PLD1: variants seen among roughly 807,000 people sequenced by gnomAD.
The protein encoded by PLD1 is phospholipase D1, also known as choline phosphatase 1.
A neutral mutation model predicts 137.1 loss-of-function variants in PLD1; 112 were observed. The observed-to-expected ratio is 0.82, with a 90% CI of 0.70 to 0.96. The LOEUF is 0.96. PLD1 is among the 40% of genes least tolerant of loss of function. The pLI is 0.00. For synonymous variants in PLD1, 431 were observed against 454.7 expected (o/e 0.95, Z 0.66); for missense variants, 1,321 against 1,342.0 (o/e 0.98, Z 0.24).
intron 1 of PLD1, among the ~76,000 whole-genome samples, chr3:171,776,378 T>C (rs1722592122): frequency 6.6e-6 from 1 of 152,242 alleles, no homozygotes; most frequent in South Asian, 2.1e-4. Context: ...CAGGCTTCTA[T>C]TTACAGGTAA....
intron 26 of PLD1, among the ~76,000 whole-genome samples, chr3:171,604,600 T>G (rs1013541557): frequency 2.0e-5 from 3 of 152,162 alleles, no homozygotes; most frequent in African/African-American, 7.2e-5. Context: ...AAGTAAGCTG[T>G]TCTACTGTTA....
chr3:171,678,518 G>C (rs1324160336), intron 16 of PLD1, among the ~76,000 whole-genome samples: 1 of 152,166 alleles, frequency 6.6e-6, no homozygotes, highest in African/African-American at 2.4e-5. Flanking sequence ...AAAAGATGCA[G>C]AATTACAAAT....
At chr3:171,769,885 T>C (rs917671160) in intron 1 of PLD1, among the ~76,000 whole-genome samples, 6 of 152,202 alleles carry the variant, frequency 3.9e-5, no homozygotes, top group Non-Finnish European at 8.8e-5. Flanking sequence ...AACAGAAGCA[T>C]ATTAGCATAT....
chr3:171,658,859 C>A (rs138229815), intron 21 of PLD1, among the ~76,000 whole-genome samples: 1 of 152,016 alleles, frequency 6.6e-6, no homozygotes, highest in South Asian at 2.1e-4. Context: ...ATATGACATA[C>A]GGTAACAAGA....
chr3:171,605,367 C>T lies in PLD1; in HGVS notation c.2932G>A (p.Val978Met). ...ACCTCCTTGAAGAATTTGTCACTCA[C>T]TGGATCCTGAATGTCCTCACTTGGG... ...DDPSEDIQDP[V>M]SDKFFKEVWV... is the part of the protein sequence containing the mutation. The change falls in exon 26 of 27, where the codon GTG (valine) becomes ATG (methionine). Residue 978 changes from valine to methionine, a missense_variant. By Grantham distance (21) the Val-to-Met change is conservative (BLOSUM62 1). Coordinates refer to ENST00000351298, the MANE Select transcript of PLD1 (RefSeq NM_002662.5). 6.2e-7 allele frequency: 1 copy of T among 1,613,952 alleles called. No homozygotes were observed.
chr3:171,654,043 G>A (rs1037777637), intron 21 of PLD1: 7 of 383,258 alleles, frequency 1.8e-5, no homozygotes, highest in African/African-American at 4.4e-5. Flanking sequence ...GTTATAAGAA[G>A]CATGAGGGGC....
At chr3:171,788,290 A>G (rs1723090488) in intron 1 of PLD1, among the ~76,000 whole-genome samples, 1 of 122,820 alleles carries the variant, frequency 8.1e-6, no homozygotes, top group Non-Finnish European at 1.6e-5. Context: ...TGAAAGGAGT[A>G]TTTCTGGGCT....
chr3:171,637,478 C>T (rs1238280745), intron 23 of PLD1, among the ~76,000 whole-genome samples: 1 of 152,098 alleles, frequency 6.6e-6, no homozygotes, highest in Non-Finnish European at 1.5e-5. Context: ...CGTGATCCAC[C>T]TGCCTCAGCC....
intron 1 of PLD1, among the ~76,000 whole-genome samples, chr3:171,782,284 C>T (rs540227677): frequency 6.6e-6 from 1 of 152,310 alleles, no homozygotes; most frequent in South Asian, 2.1e-4. Context: ...AGGGAACTTT[C>T]TGTGGCGATG....
At chr3:171,720,024 G>C (rs1262574593) in intron 8 of PLD1, among the ~76,000 whole-genome samples, 1 of 152,268 alleles carries the variant, frequency 6.6e-6, no homozygotes, top group Non-Finnish European at 1.5e-5. Context: ...GCCAGGTGCT[G>C]TGCCTCCCGC....
chr3:171,679,845 C>G (rs1244094862), intron 16 of PLD1, among the ~76,000 whole-genome samples: 2 of 152,162 alleles, frequency 1.3e-5, no homozygotes, highest in African/African-American at 4.8e-5. Flanking sequence ...CCTGTGAAAA[C>G]AGTAGCTCAG....
At chr3:171,732,126 T>C (rs1430444849) in intron 6 of PLD1, among the ~76,000 whole-genome samples, 1 of 152,198 alleles carries the variant, frequency 6.6e-6, no homozygotes, top group Non-Finnish European at 1.5e-5. Flanking sequence ...CACATTTAAA[T>C]AGTTGTCTGT....
chr3:171,608,039 CAAT>C (rs1422731970), intron 25 of PLD1, among the ~76,000 whole-genome samples: 3 of 152,128 alleles, frequency 2.0e-5, no homozygotes, highest in African/African-American at 7.2e-5. Flanking sequence ...AAAATTGACG[CAAT>C]GTTTTTGTGG....
rs1227343814 is a variant in PLD1, at chr3:171,629,216, T to A, written c.2594-8696A>T. Reference sequence around the variant, plus strand: ...AATCACAAGCATTCTTATACACCAATAACAGACAAACAGAAACCCAAATCA... The same window carrying A: ...AATCACAAGCATTCTTATACACCAAAAACAGACAAACAGAAACCCAAATCA... On this transcript the variant is annotated intron_variant, in intron 23 of 26. Coordinates refer to ENST00000351298, the MANE Select transcript of PLD1 (RefSeq NM_002662.5). Among the ~76,000 whole-genome samples, 169 of 152,034 alleles carry A rather than the reference T, an allele frequency of 1.1e-3. 2 individuals are homozygous for A. Among genetic ancestry groups the A allele is most frequent in the Non-Finnish European group, 6.5e-4 (44 of 67,990 alleles).
rs150597158 is a variant in PLD1, at chr3:171,684,280, G to A, written c.1867+2405C>T. Among the ~76,000 whole-genome samples the A allele has an allele frequency of 4.9e-3, 745 of 152,234 alleles. 4 individuals carry two copies. The highest frequency in any genetic ancestry group is 0.017 in the African/African-American group (714 of 41,538). On this transcript the variant is annotated intron_variant, in intron 16 of 26. Transcript: ENST00000351298. ...TTCAGATCCATAATCTTCATGGGTT[G>A]GCAACCTCCTTTCCTCCACTTCATT...
At chr3:171,772,772 T>C (rs911493820) in intron 1 of PLD1, among the ~76,000 whole-genome samples, 1 of 152,242 alleles carries the variant, frequency 6.6e-6, no homozygotes. Flanking sequence ...ACATTCAGTA[T>C]GTCGTTAAAT....
intron 19 of PLD1, among the ~76,000 whole-genome samples, chr3:171,671,681 G>A (rs1712774704): frequency 6.6e-6 from 1 of 151,600 alleles, no homozygotes; most frequent in South Asian, 2.1e-4. Flanking sequence ...AATAAGCTTG[G>A]GAAATGCGCA....
chr3:171,701,167 GT>G (rs1716205237), intron 11 of PLD1, among the ~76,000 whole-genome samples: 1 of 152,180 alleles, frequency 6.6e-6, no homozygotes, highest in Admixed American at 6.5e-5. Context: ...TAAAGGAAAC[GT>G]TATTGGGTAA....
chr3:171,708,807 C>T lies in PLD1; in HGVS notation c.1093G>A (p.Val365Met), dbSNP rs1716907719. 1.3e-6 allele frequency: 2 copies of T among 1,597,254 alleles called. No individual in the cohort carries two copies. Among genetic ancestry groups the T allele is most frequent in the African/African-American group, 1.3e-5 (1 of 74,612 alleles). The change falls in exon 11 of 27, where the codon GTG (valine) becomes ATG (methionine). Residue 365 changes from valine (V) to methionine (M), a missense_variant. Val to Met is a conservative substitution (Grantham distance 21, BLOSUM62 1). Transcript: ENST00000351298. ...YVNAKGYFED[V>M]ANAMEEANEE... ...TTTGCCTCTTCCATTGCATTTGCCA[C>T]ATCTTCAAAATATCCTTTGGCATTA...
Sources: allele counts gnomAD v4.1 joint callset (sites outside exome capture counted in the v4.1 genomes callset), GRCh38; gene constraint gnomAD v4.1.1; transcripts MANE v1.5; gene names NCBI Gene and HGNC (gene_info 2026-07-23, HGNC 2026-07-21).